The following MCF2L variants were observed in gnomAD, a reference collection of about 807,000 sequenced individuals.
The protein encoded by MCF2L is MCF.2 cell line derived transforming sequence like, also known as guanine nucleotide exchange factor DBS.
A neutral mutation model predicts 153.4 loss-of-function variants in MCF2L; 97 were observed. The ratio of observed to expected loss-of-function variants is 0.63; its 90% CI spans 0.54 to 0.75. The LOEUF is 0.75. MCF2L is among the 30% of genes least tolerant of loss of function. The pLI is 0.00. For missense variants in MCF2L, 1,347 were observed against 1,495.2 expected (o/e 0.90, Z 1.64); for synonymous variants, 659 against 632.2 (o/e 1.04, Z -0.64).
chr13:113,096,066 C>G (rs1206907040), intron 27 of MCF2L: 1 of 512,500 alleles, frequency 2.0e-6, no homozygotes, highest in Non-Finnish European at 3.5e-6. Context: ...CACGGAAGGG[C>G]CCTCCGGGAG....
At chr13:112,924,624 T>G (rs896811168) in intron 2 of MCF2L, among the ~76,000 whole-genome samples, 2 of 152,306 alleles carry the variant, frequency 1.3e-5, no homozygotes, top group Middle Eastern at 6.8e-3. Flanking sequence ...TATGATAGCT[T>G]TAGATAGGGA....
At position 112,983,498 on chromosome 13, in the gene MCF2L, A is replaced by G. The variant is rs1594476308; in HGVS notation, c.79+14040A>G. On this transcript the variant is annotated intron_variant, in intron 1 of 29. Coordinates refer to ENST00000535094, the MANE Select transcript of MCF2L (RefSeq NM_001112732.3). This position sits in a 1 kb window ranked among gnomAD's most constrained non-coding sequence, Gnocchi z 4.0. The stretch of plus-strand genomic sequence containing the variant: ...TTAAGTCAAGCTCTGTAAATGCGGC[A>G]CCCGACGTCTGAGGCCCGCCACGCT... Among the ~76,000 whole-genome samples, 1 of 152,116 alleles carries G rather than the reference A, an allele frequency of 6.6e-6. No individual in the cohort carries two copies. The highest frequency in any genetic ancestry group is 1.5e-5 in the Non-Finnish European group (1 of 68,022).
At chr13:113,095,943 G>GCAC (rs1367429921) in intron 27 of MCF2L, 3 of 508,596 alleles carry the variant, frequency 5.9e-6, no homozygotes, top group African/African-American at 2.1e-5. Context: ...AGAGGAGTGA[G>GCAC]GCTTGGGGAG....
chr13:113,023,742 C>T (rs1347245016), intron 2 of MCF2L, among the ~76,000 whole-genome samples: 1 of 152,244 alleles, frequency 6.6e-6, no homozygotes, highest in East Asian at 1.9e-4. Context: ...GCACGGGGCA[C>T]TGACTGTGTC....
upstream of MCF2L, chr13:112,969,176 G>GC (rs968611693): frequency 1.3e-5 from 8 of 600,544 alleles, no homozygotes; most frequent in South Asian, 8.0e-5. The surrounding 1 kb of genome is among the most constrained non-coding windows in gnomAD (Gnocchi z 4.8). Context: ...GCCGCCCCCC[G>GC]CCCCCCGCGG....
intron 21 of MCF2L, among the ~76,000 whole-genome samples, chr13:113,086,713 T>C (rs2034669247): frequency 6.6e-6 from 1 of 152,112 alleles, no homozygotes; most frequent in South Asian, 2.1e-4. Flanking sequence ...TTTGTCCGTC[T>C]TTATGTCCAC....
chr13:112,935,820 T>C (rs938484966), intron 2 of MCF2L, among the ~76,000 whole-genome samples: 1 of 152,150 alleles, frequency 6.6e-6, no homozygotes, highest in Non-Finnish European at 1.5e-5. Flanking sequence ...ACTAGTATCC[T>C]TATAGAAAGA....
At chr13:112,967,054 G>A (rs901514192), upstream of MCF2L, among the ~76,000 whole-genome samples, 3 of 152,178 alleles carry the variant, frequency 2.0e-5, no homozygotes, top group East Asian at 1.9e-4. Flanking sequence ...GTGTGGCCTA[G>A]GGCCGTGTGG....
chr13:113,096,203 C>G, intron 27 of MCF2L, 168 bp from the exon 28 acceptor site: 1 of 621,534 alleles, frequency 1.6e-6, no homozygotes, highest in East Asian at 2.7e-5. Flanking sequence ...GTAGTCATGC[C>G]CTGCGGCGTA....
chr13:112,976,476 G>T (rs1162274216), intron 1 of MCF2L, among the ~76,000 whole-genome samples: 1 of 152,136 alleles, frequency 6.6e-6, no homozygotes, highest in African/African-American at 2.4e-5. Context: ...ATTCCAGCTG[G>T]AGCACCTGTT....
chr13:113,033,530 C>T (rs1362025289), intron 3 of MCF2L, among the ~76,000 whole-genome samples: 1 of 152,146 alleles, frequency 6.6e-6, no homozygotes, highest in African/African-American at 2.4e-5. Flanking sequence ...CCCACTGTTT[C>T]CCTGTTGGGG....
At chr13:112,981,636 G>A (rs1043947288) in intron 1 of MCF2L, among the ~76,000 whole-genome samples, 1 of 152,214 alleles carries the variant, frequency 6.6e-6, no homozygotes, top group Non-Finnish European at 1.5e-5. Context: ...CCCTGGGCCT[G>A]CGAGCCTGAG....
At chr13:113,058,942 A>G (rs112025551) in intron 4 of MCF2L, among the ~76,000 whole-genome samples, 404 of 27,736 alleles carry the variant, frequency 0.015, 5 homozygotes, top group Non-Finnish European at 4.5e-3. Context: ...GTGTTTCGGC[A>G]CTGTTTGGGT....
rs1456927363 is a variant in MCF2L at position 112,898,987 on chromosome 13, C to A, written c.-4-3212C>A. On this transcript the variant is annotated intron_variant, in intron 1 of 29. Coordinates refer to the MCF2L transcript ENST00000375608. ...AGCACCGGGCAGGGCCCCCTCCCCC[C>A]ATGCCGGGTCTGCCCCCGCTTGGTG... Among the ~76,000 whole-genome samples the A allele has an allele frequency of 3.3e-5, 5 of 152,232 alleles. No homozygotes were observed. The South Asian group carries it at 6.2e-4, about 19-fold the overall frequency.
chr13:112,938,134 GCGC>G (rs1195140070), intron 2 of MCF2L, among the ~76,000 whole-genome samples: 4 of 146,394 alleles, frequency 2.7e-5, no homozygotes, highest in Non-Finnish European at 6.0e-5. Flanking sequence ...GTTCAGGTGA[GCGC>G]TGAGGGGTTG....
intron 1 of MCF2L, among the ~76,000 whole-genome samples, chr13:112,999,886 G>A (rs1040143228): frequency 6.6e-6 from 1 of 152,200 alleles, no homozygotes; most frequent in Non-Finnish European, 1.5e-5. Context: ...ATGCCTGCAG[G>A]CCCCAGAGCA....
chr13:113,019,890 C>T (rs138609709), intron 2 of MCF2L, among the ~76,000 whole-genome samples: 6 of 152,330 alleles, frequency 3.9e-5, no homozygotes, highest in African/African-American at 1.4e-4. Context: ...TCTATGGGCA[C>T]CTTCATCTTG....
chr13:113,023,056 C>G (rs2084992900), intron 2 of MCF2L, among the ~76,000 whole-genome samples: 1 of 152,234 alleles, frequency 6.6e-6, no homozygotes, highest in Non-Finnish European at 1.5e-5. Flanking sequence ...GACCCTGCAG[C>G]CGCCTTCCCC....
At chr13:112,940,987 G>C (rs753009942) in intron 2 of MCF2L, among the ~76,000 whole-genome samples, 13 of 152,156 alleles carry the variant, frequency 8.5e-5, no homozygotes, top group Non-Finnish European at 1.5e-4. Context: ...GACTGCCTGG[G>C]AGCATGAAGC....
Sources: allele counts gnomAD v4.1 joint callset (sites outside exome capture counted in the v4.1 genomes callset), GRCh38; gene constraint gnomAD v4.1.1; non-coding constraint Gnocchi (gnomAD v3.1); transcripts MANE v1.5; gene names NCBI Gene and HGNC (gene_info 2026-07-23, HGNC 2026-07-21).